The following ABCC4 variants were observed in gnomAD, a reference collection of about 807,000 sequenced individuals.
ABCC4 encodes the protein ATP-binding cassette sub-family C member 4.
In ABCC4, 102 loss-of-function variants were observed where a neutral mutation model predicts 168.5. The ratio of observed to expected loss-of-function variants is 0.61; its 90% CI spans 0.52 to 0.71. The LOEUF (loss-of-function observed/expected upper bound fraction) is 0.71. Among genes scored for constraint, ABCC4 ranks in the 30% least tolerant of loss-of-function variants. The pLI is 0.00. For synonymous variants in ABCC4, 617 were observed against 590.7 expected (o/e 1.04, Z -0.65); for missense variants, 1,402 against 1,605.8 (o/e 0.87, Z 2.17).
At chr13:95,031,632 G>T (rs2031883288) in intron 30 of ABCC4, among the ~76,000 whole-genome samples, 1 of 152,190 alleles carries the variant, frequency 6.6e-6, no homozygotes, top group Non-Finnish European at 1.5e-5. Flanking sequence ...TTAGATGGAA[G>T]ATTACTGGAC....
At chr13:95,080,288 C>A (rs759127981) in intron 21 of ABCC4, among the ~76,000 whole-genome samples, 1 of 152,254 alleles carries the variant, frequency 6.6e-6, no homozygotes, top group Non-Finnish European at 1.5e-5. Context: ...TAGAGAAATG[C>A]AGCCAAATGC....
At chr13:95,198,325 G>A (rs1290716340) in intron 8 of ABCC4, among the ~76,000 whole-genome samples, 1 of 152,116 alleles carries the variant, frequency 6.6e-6, no homozygotes, top group African/African-American at 2.4e-5. Context: ...CTCAAAAGAA[G>A]ACATGTATGC....
intron 1 of ABCC4, among the ~76,000 whole-genome samples, chr13:95,270,871 C>T (rs9590227): frequency 0.081 from 12,254 of 152,096 alleles, 1,087 homozygotes; most frequent in African/African-American, 0.22. Context: ...CGAGGCGAGA[C>T]GATTATAAGG....
chr13:95,056,563 G>A (rs2033062582), intron 26 of ABCC4, among the ~76,000 whole-genome samples: 1 of 151,234 alleles, frequency 6.6e-6, no homozygotes. Flanking sequence ...AGGACTGACT[G>A]CATTAGGCCA....
chr13:95,186,008 G>A (rs1041521733), intron 11 of ABCC4, among the ~76,000 whole-genome samples: 2 of 151,952 alleles, frequency 1.3e-5, no homozygotes, highest in Admixed American at 6.6e-5. Flanking sequence ...AAGGAAACCT[G>A]TGGTTTGAGA....
In ABCC4 at chr13:95,200,091, GA is replaced by G. The variant is rs201038835; in HGVS notation, c.1162-5155del. The stretch of plus-strand genomic sequence containing the variant: ...GGTTATTTATTAACCCCCACTTGAT[GA>G]TTCCCAGGAGGAAGTTCCCAGCAGG... On this transcript the variant is annotated intron_variant, in intron 8 of 30. Transcript: ENST00000645237. Among the ~76,000 whole-genome samples, 1,272 of 152,308 alleles carry G rather than the reference GA, an allele frequency of 8.4e-3. 21 individuals are homozygous for G. The highest frequency in any genetic ancestry group is 0.034 in the Middle Eastern group (10 of 294).
At chr13:95,174,282 G>A (rs964209920) in intron 13 of ABCC4, among the ~76,000 whole-genome samples, 2 of 152,166 alleles carry the variant, frequency 1.3e-5, no homozygotes, top group African/African-American at 4.8e-5. Flanking sequence ...ATTCATGATT[G>A]AAGTAAAACT....
At chr13:95,055,363 C>A (rs2033013659) in intron 26 of ABCC4, among the ~76,000 whole-genome samples, 1 of 152,074 alleles carries the variant, frequency 6.6e-6, no homozygotes, top group Non-Finnish European at 1.5e-5. Flanking sequence ...ATTTAGTAGC[C>A]TAAGTACATA....
chr13:95,176,659 G>T (rs1320788240), intron 13 of ABCC4, among the ~76,000 whole-genome samples: 1 of 152,188 alleles, frequency 6.6e-6, no homozygotes, highest in Non-Finnish European at 1.5e-5. Flanking sequence ...CCCAGCATGG[G>T]TGCTTATCTT....
chr13:95,218,949 GAA>G (rs1164518333), intron 4 of ABCC4, among the ~76,000 whole-genome samples: 1 of 32,442 alleles, frequency 3.1e-5, no homozygotes, highest in Admixed American at 2.6e-4. Flanking sequence ...AAGAAAGAAA[GAA>G]AGAAAGAAAG....
At chr13:95,035,380 G>A (rs554536304) in intron 29 of ABCC4, among the ~76,000 whole-genome samples, 1 of 152,282 alleles carries the variant, frequency 6.6e-6, no homozygotes, top group South Asian at 2.1e-4. Flanking sequence ...AAGGCTAGCC[G>A]AAAAAGCTGT....
intron 20 of ABCC4, among the ~76,000 whole-genome samples, chr13:95,086,087 TTGTGTG>T (rs55973195): frequency 2.8e-5 from 4 of 141,984 alleles, no homozygotes; most frequent in African/African-American, 5.2e-5. Flanking sequence ...TTTAAGGTTA[TTGTGTG>T]TGTGTGTGTG....
chr13:95,172,298 G>C (rs1033786642), intron 13 of ABCC4, among the ~76,000 whole-genome samples: 1 of 152,164 alleles, frequency 6.6e-6, no homozygotes, highest in Non-Finnish European at 1.5e-5. Flanking sequence ...ACTACATTAA[G>C]AGGCCAGCCA....
intron 19 of ABCC4, among the ~76,000 whole-genome samples, chr13:95,139,724 C>T (rs889441892): frequency 7.9e-5 from 12 of 152,096 alleles, no homozygotes; most frequent in African/African-American, 2.7e-4. Flanking sequence ...TTTAACCATC[C>T]CAGAGTCATA....
intron 4 of ABCC4, among the ~76,000 whole-genome samples, chr13:95,225,388 G>A (rs1029227650): frequency 1.3e-5 from 2 of 152,172 alleles, no homozygotes; most frequent in Non-Finnish European, 2.9e-5. Context: ...TACGATTTAT[G>A]GCCGGGCACA....
chr13:95,191,462 CCTAACAA>C (rs1171715286), intron 9 of ABCC4, among the ~76,000 whole-genome samples: 1 of 152,052 alleles, frequency 6.6e-6, no homozygotes, highest in Non-Finnish European at 1.5e-5. Flanking sequence ...TTCATACATG[CCTAACAA>C]CTATTTCTTT....
At position 95,060,161 on chromosome 13, in the gene ABCC4, A is replaced by G. The variant is rs115371359; in HGVS notation, c.3366+2543T>C. ...TTGGAGACAAAGCCATACAAAGTTA[A>G]AAAGGAAAGTCTCTCTGTTTACAAT... On this transcript the variant is annotated intron_variant, in intron 26 of 30. Coordinates refer to ENST00000645237, the MANE Select transcript of ABCC4 (RefSeq NM_005845.5). 7.8e-3 allele frequency among the ~76,000 whole-genome samples: 1,181 copies of G among 152,316 alleles called. 17 individuals are homozygous for G. The highest frequency in any genetic ancestry group is 0.027 in the African/African-American group (1,107 of 41,564).
chr13:95,121,172 A>G (rs1375173310), intron 19 of ABCC4, among the ~76,000 whole-genome samples: 1 of 152,176 alleles, frequency 6.6e-6, no homozygotes, highest in East Asian at 1.9e-4. Context: ...TCAACAATAC[A>G]GGGCAACTCA....
At chr13:95,300,268 G>C (rs1374418913) in intron 1 of ABCC4, among the ~76,000 whole-genome samples, 1 of 152,136 alleles carries the variant, frequency 6.6e-6, no homozygotes, top group Non-Finnish European at 1.5e-5. Context: ...AGAACTCCTG[G>C]TAGGAACCAC....
Sources: allele counts gnomAD v4.1 joint callset (sites outside exome capture counted in the v4.1 genomes callset), GRCh38; gene constraint gnomAD v4.1.1; transcripts MANE v1.5; gene names NCBI Gene and HGNC (gene_info 2026-07-23, HGNC 2026-07-21).